Variants in ASB4 observed in about 807,000 individuals in gnomAD.
ASB4 encodes ankyrin repeat and SOCS box containing 4.
In ASB4, 35 loss-of-function variants were observed where a neutral mutation model predicts 38.6. The observed-to-expected ratio is 0.91, with a 90% CI of 0.69 to 1.20. ASB4 has a LOEUF of 1.20. ASB4 is among the 50% of genes most tolerant of loss of function. The probability of loss-of-function intolerance (pLI) is 0.00; values close to 1 mark genes in which losing one functional copy is unlikely to be tolerated. For synonymous variants in ASB4, 195 were observed against 201.3 expected, an observed-to-expected ratio of 0.97 and a Z score of 0.26; for missense variants, 557 against 527.2, an observed-to-expected ratio of 1.06 and a Z score of -0.55.
intron 1 of ASB4, among the ~76,000 whole-genome samples, chr7:95,479,811 A>G (rs953462552): frequency 1.3e-5 from 2 of 152,322 alleles, no homozygotes; most frequent in African/African-American, 4.8e-5. Flanking sequence ...ATAAATGCAT[A>G]TTCATCAGTT....
At position 95,523,455 on chromosome 7, in the gene ASB4, A is replaced by G. The variant is rs1025393493; in HGVS notation, c.488-4358A>G. ...TAAAAAAGAAATACCATTAGTTAAT[A>G]ATTACAGAGAAAGTGTCTAAACTCT... On this transcript the variant is annotated intron_variant, in intron 2 of 4. Transcript: ENST00000325885. Among the ~76,000 whole-genome samples the G allele has an allele frequency of 2.4e-4, 36 of 152,250 alleles. 1 individual carries two copies. The highest frequency in any genetic ancestry group is 1.5e-5 in the Non-Finnish European group (1 of 68,034).
intron 1 of ASB4, among the ~76,000 whole-genome samples, chr7:95,488,382 A>T (rs571778247): frequency 1.3e-5 from 2 of 152,246 alleles, no homozygotes; most frequent in South Asian, 4.1e-4. Context: ...TTTTTTTCAC[A>T]TGCTTCCAAC....
chr7:95,496,953 T>C (rs761469322), intron 2 of ASB4, among the ~76,000 whole-genome samples: 1 of 151,944 alleles, frequency 6.6e-6, no homozygotes, highest in Non-Finnish European at 1.5e-5. Flanking sequence ...GGAAATAGCT[T>C]GAGCAAAATT....
intron 2 of ASB4, among the ~76,000 whole-genome samples, chr7:95,508,204 G>A (rs948993499): frequency 1.4e-4 from 21 of 152,154 alleles, no homozygotes; most frequent in African/African-American, 5.1e-4. Context: ...TGGGAAATGA[G>A]ATCCAGAGCA....
intron 2 of ASB4, among the ~76,000 whole-genome samples, chr7:95,524,726 CTG>C (rs1408970933): frequency 6.6e-6 from 1 of 152,178 alleles, no homozygotes; most frequent in East Asian, 1.9e-4. Context: ...TGCAGTATGA[CTG>C]GTGTTCTTAT....
chr7:95,496,804 T>C (rs767206088), intron 2 of ASB4, among the ~76,000 whole-genome samples: 4 of 152,162 alleles, frequency 2.6e-5, no homozygotes, highest in Non-Finnish European at 5.9e-5. Flanking sequence ...CTTGTGATTA[T>C]GCCACTGCAC....
intron 1 of ASB4, among the ~76,000 whole-genome samples, chr7:95,489,399 C>T (rs1283967539): frequency 6.6e-6 from 1 of 152,202 alleles, no homozygotes; most frequent in Non-Finnish European, 1.5e-5. Context: ...AGCCAGCCTC[C>T]AGAGTTCATG....
rs562574830 is a variant in ASB4, at chr7:95,489,876, C to T, written c.187+3718C>T. On this transcript the variant is annotated intron_variant, in intron 1 of 4. Transcript: ENST00000325885. ...CAAATGTCCCTTCTATTGGTTTTCA[C>T]TGGTTACTTCCATACTGGAAAGACG... 2.6e-5 allele frequency among the ~76,000 whole-genome samples: 4 copies of T among 152,284 alleles called. No homozygotes were observed. In the South Asian group the frequency reaches 8.3e-4, roughly 32 times the overall value.
chr7:95,534,069 G>GC (rs1426572446), intron 3 of ASB4, among the ~76,000 whole-genome samples: 1 of 150,482 alleles, frequency 6.6e-6, no homozygotes, highest in African/African-American at 2.4e-5. Context: ...GAATGGCTGG[G>GC]CGCGGTGGCT....
the ASB4 span, among the ~76,000 whole-genome samples, chr7:95,549,625 T>C: frequency 6.6e-6 from 1 of 152,118 alleles, no homozygotes; most frequent in Non-Finnish European, 1.5e-5. Flanking sequence ...TGGATTTACG[T>C]TGTTCACAAG....
intron 2 of ASB4, among the ~76,000 whole-genome samples, chr7:95,502,662 A>G (rs1278191917): frequency 6.6e-6 from 1 of 152,204 alleles, no homozygotes; most frequent in African/African-American, 2.4e-5. Context: ...AGTACACTAG[A>G]AATTAGAGAC....
At chr7:95,495,147 T>C (rs1481853531) in intron 1 of ASB4, among the ~76,000 whole-genome samples, 1 of 152,186 alleles carries the variant, frequency 6.6e-6, no homozygotes, top group African/African-American at 2.4e-5. Context: ...TCTTTAAGTG[T>C]GTGAAAGTTG....
intron 2 of ASB4, among the ~76,000 whole-genome samples, chr7:95,498,794 G>A (rs901738736): frequency 1.3e-5 from 2 of 152,126 alleles, no homozygotes; most frequent in African/African-American, 4.8e-5. Context: ...ACTTTTAGGT[G>A]TAGGATTCAT....
chr7:95,482,187 T>C (rs1230975693), upstream of ASB4, among the ~76,000 whole-genome samples: 2 of 152,244 alleles, frequency 1.3e-5, no homozygotes, highest in African/African-American at 4.8e-5. Context: ...ATTATATAGA[T>C]AACATTTTCA....
intron 2 of ASB4, among the ~76,000 whole-genome samples, chr7:95,513,192 C>T (rs550242398): frequency 1.4e-5 from 2 of 143,670 alleles, no homozygotes; most frequent in South Asian, 4.4e-4. Context: ...ATGGACTCTT[C>T]TATACATTCT....
At chr7:95,544,689 T>C (rs1348401066), downstream of ASB4, 2 of 152,106 alleles carry the variant, frequency 1.3e-5, no homozygotes, top group Non-Finnish European at 2.9e-5. Context: ...TTATTTATTT[T>C]TATTTATTTT....
At chr7:95,508,530 C>A (rs192236054) in intron 2 of ASB4, among the ~76,000 whole-genome samples, 1 of 152,002 alleles carries the variant, frequency 6.6e-6, no homozygotes, top group South Asian at 2.1e-4. Flanking sequence ...ACTGGGTTTC[C>A]GAGCAGTCTG....
At chr7:95,477,177 G>T (rs1175457203), upstream of ASB4, among the ~76,000 whole-genome samples, 1 of 151,956 alleles carries the variant, frequency 6.6e-6, no homozygotes, top group Non-Finnish European at 1.5e-5. Flanking sequence ...GCCATCATGT[G>T]GCCTGACGTG....
At chr7:95,533,319 C>T (rs1243103318) in intron 3 of ASB4, among the ~76,000 whole-genome samples, 1 of 152,168 alleles carries the variant, frequency 6.6e-6, no homozygotes, top group Non-Finnish European at 1.5e-5. Context: ...ATCTTCATTT[C>T]ATTTTTTAAT....
Sources: gnomAD v4.1 joint callset for allele counts (sites outside exome capture counted in the v4.1 genomes callset) on GRCh38, gnomAD v4.1.1 for gene constraint, MANE v1.5 for transcripts, NCBI Gene and HGNC (gene_info 2026-07-23, HGNC 2026-07-21) for gene names.